Variants in EML6 observed in about 807,000 individuals in gnomAD.
EML6 encodes echinoderm microtubule-associated protein-like 6.
In EML6, 154 loss-of-function variants were observed where a neutral mutation model predicts 240.1. That is an observed-to-expected ratio of 0.64 (90% CI 0.56 to 0.73). The LOEUF (loss-of-function observed/expected upper bound fraction) is 0.73, where lower values mean the gene tolerates loss of function less well. EML6 is among the 30% of genes least tolerant of loss of function. The pLI is 0.00. For missense variants in EML6, 2,964 were observed against 2,474.6 expected (o/e 1.20, Z -4.20); for synonymous variants, 1,148 against 899.0 (o/e 1.28, Z -4.95).
chr2:54,820,415 C>A lies in EML6; in HGVS notation c.478C>A (p.Pro160Thr). ...SDRIFDISWDPYQPNRVVSCG... is the reference protein window; with the variant it reads ...SDRIFDISWDTYQPNRVVSCG... ...ACAGATTTTTGATATTTCCTGGGATCCATATCAGCCAAACAGAGTGGTTAG... is the reference window on the plus strand; with the variant it reads ...ACAGATTTTTGATATTTCCTGGGATACATATCAGCCAAACAGAGTGGTTAG... The change falls in exon 5 of 42, where the codon CCA (proline) becomes ACA (threonine). Residue 160 changes from proline to threonine, a missense_variant. Transcript: ENST00000356458. The A allele has an allele frequency of 6.5e-7, 1 of 1,549,566 alleles. No homozygotes were observed. The highest frequency in any genetic ancestry group is 8.7e-7 in the Non-Finnish European group (1 of 1,145,346).
chr2:54,901,787 C>G (rs1051576239), intron 22 of EML6, among the ~76,000 whole-genome samples: 1 of 152,224 alleles, frequency 6.6e-6, no homozygotes, highest in Non-Finnish European at 1.5e-5. Context: ...TGGCACAAGG[C>G]CACCTGGCTG....
At chr2:54,740,137 T>G (rs1683566045) in intron 2 of EML6, among the ~76,000 whole-genome samples, 1 of 152,124 alleles carries the variant, frequency 6.6e-6, no homozygotes, top group African/African-American at 2.4e-5. Flanking sequence ...CAAGAGGTGG[T>G]TATACATTTA....
intron 12 of EML6, among the ~76,000 whole-genome samples, chr2:54,861,201 C>T (rs1670654219): frequency 1.3e-5 from 2 of 152,188 alleles, no homozygotes; most frequent in African/African-American, 2.4e-5. Context: ...CTGGCTCGCC[C>T]CAGTGATAAA....
In EML6 at chr2:54,960,354, C is replaced by T; in HGVS notation, c.4968+20C>T. 1 of 1,515,616 alleles carries T rather than the reference C, an allele frequency of 6.6e-7. No individual in the cohort carries two copies. The highest frequency in any genetic ancestry group is 1.2e-5 in the South Asian group (1 of 83,420). The allele number at this position is 1,515,616 out of a possible 1,614,324, so 93.9% of individuals were successfully genotyped here. On this transcript the variant is annotated intron_variant, in intron 35 of 41. Coordinates refer to ENST00000356458, the MANE Select transcript of EML6 (RefSeq NM_001039753.4). ...GGAAAAGTGAGCACAGCCAGCTCCC[C>T]TGGGGGCTGGGCCAGGGAAGGGGGA...
chr2:54,794,061 C>CA (rs1398941875), intron 2 of EML6, among the ~76,000 whole-genome samples: 1 of 152,190 alleles, frequency 6.6e-6, no homozygotes, highest in Non-Finnish European at 1.5e-5. Context: ...ACTTTGCTGG[C>CA]AGTGTACTAA....
chr2:54,793,373 T>A (rs990251307), intron 2 of EML6, among the ~76,000 whole-genome samples: 1 of 144,542 alleles, frequency 6.9e-6, no homozygotes, highest in Non-Finnish European at 1.5e-5. Flanking sequence ...AAGGTAAATA[T>A]GTATGAGTAG....
intron 2 of EML6, among the ~76,000 whole-genome samples, chr2:54,800,292 A>G (rs1670061321): frequency 2.6e-5 from 4 of 152,182 alleles, no homozygotes; most frequent in Admixed American, 2.6e-4. Flanking sequence ...GGTCCCTTAA[A>G]GGGTCAAATA....
chr2:54,905,378 A>AC (rs1558670758), intron 24 of EML6, among the ~76,000 whole-genome samples: 21 of 145,258 alleles, frequency 1.4e-4, no homozygotes, highest in African/African-American at 4.5e-4. Flanking sequence ...ACACACACAC[A>AC]AAATACCTGA....
chr2:54,965,523 A>G (rs1200463901), intron 38 of EML6, among the ~76,000 whole-genome samples: 1 of 152,186 alleles, frequency 6.6e-6, no homozygotes, highest in South Asian at 2.1e-4. Context: ...GAGTTTTATT[A>G]TTACTCAAAT....
intron 2 of EML6, among the ~76,000 whole-genome samples, chr2:54,798,714 GATACACAATATC>G (rs1276842765): frequency 6.6e-6 from 1 of 152,026 alleles, no homozygotes; most frequent in South Asian, 2.1e-4. Context: ...GATTAATTAG[GATACACAATATC>G]ATCTGTGAGT....
intron 22 of EML6, among the ~76,000 whole-genome samples, chr2:54,902,336 C>T (rs1482954201): frequency 6.6e-6 from 1 of 152,140 alleles, no homozygotes; most frequent in African/African-American, 2.4e-5. Flanking sequence ...GAATAAACCT[C>T]ATGGAAGTTG....
At chr2:54,835,939 G>A (rs1049907276) in intron 7 of EML6, among the ~76,000 whole-genome samples, 5 of 152,166 alleles carry the variant, frequency 3.3e-5, no homozygotes, top group African/African-American at 7.2e-5. Context: ...GAACACCCTT[G>A]TTTACGATAG....
At chr2:54,883,986 G>T (rs896026995) in intron 17 of EML6, among the ~76,000 whole-genome samples, 1 of 152,140 alleles carries the variant, frequency 6.6e-6, no homozygotes, top group Non-Finnish European at 1.5e-5. Flanking sequence ...ACAACAATCT[G>T]CACAGAGACT....
chr2:54,728,113 A>G (rs1682989751), intron 2 of EML6, among the ~76,000 whole-genome samples: 1 of 152,240 alleles, frequency 6.6e-6, no homozygotes, highest in African/African-American at 2.4e-5. Context: ...ATGATGCCAT[A>G]TTTTAGACCT....
chr2:54,790,668 T>C (rs1208349441), intron 2 of EML6, among the ~76,000 whole-genome samples: 1 of 151,758 alleles, frequency 6.6e-6, no homozygotes, highest in East Asian at 1.9e-4. Flanking sequence ...ATCATTCACA[T>C]CCATATTAGT....
intron 2 of EML6, among the ~76,000 whole-genome samples, chr2:54,810,746 G>A (rs1667800882): frequency 6.6e-6 from 1 of 152,102 alleles, no homozygotes; most frequent in African/African-American, 2.4e-5. Flanking sequence ...CTACTCTGCT[G>A]TATGATGTTC....
intron 7 of EML6, among the ~76,000 whole-genome samples, chr2:54,832,137 A>C (rs1004271085): frequency 9.8e-5 from 15 of 152,292 alleles, no homozygotes; most frequent in Admixed American, 6.5e-4. Flanking sequence ...CTCAGTGAAA[A>C]AACAATGTAC....
intron 2 of EML6, among the ~76,000 whole-genome samples, chr2:54,790,062 T>A (rs165048): frequency 6.6e-6 from 1 of 152,016 alleles, no homozygotes; most frequent in Non-Finnish European, 1.5e-5. Flanking sequence ...GATCTAAGAA[T>A]AGTCAGCATT....
chr2:54,844,230 G>A lies in EML6; in HGVS notation c.1031G>A (p.Ser344Asn). Residue 344 changes from serine to asparagine, a missense_variant, in exon 8 of 42, where the codon AGC becomes AAC. Coordinates refer to ENST00000356458, the MANE Select transcript of EML6 (RefSeq NM_001039753.4). ...HPKKPLAVTG[S>N]DDRSVRLWSL... ...AAGAAGCCTCTGGCTGTGACAGGCA[G>A]CGATGACCGCTCTGTCAGGTGAGGC... 2 of 1,551,666 alleles carry A rather than the reference G, an allele frequency of 1.3e-6. No individual in the cohort carries two copies. The highest frequency in any genetic ancestry group is 1.2e-5 in the South Asian group (1 of 84,060).
Sources: gnomAD v4.1 joint callset for allele counts (sites outside exome capture counted in the v4.1 genomes callset) on GRCh38, gnomAD v4.1.1 for gene constraint, MANE v1.5 for transcripts, NCBI Gene and HGNC (gene_info 2026-07-23, HGNC 2026-07-21) for gene names.